The following WDR59 variants were observed in gnomAD, a reference collection of about 807,000 sequenced individuals.
WDR59 encodes WD repeat domain 59, also known as GATOR2 complex protein WDR59.
Under a neutral mutation model 131.2 loss-of-function variants are expected in WDR59, and 100 were observed. That is an observed-to-expected ratio of 0.76 (90% CI 0.65 to 0.90). The LOEUF is 0.90. WDR59 is among the 40% of genes least tolerant of loss of function. The pLI, the probability that WDR59 is intolerant of heterozygous loss-of-function variation, is 0.00. For missense variants in WDR59, 1,203 were observed against 1,262.2 expected (o/e 0.95, Z 0.71); for synonymous variants, 601 against 466.2 (o/e 1.29, Z -3.72).
chr16:74,931,677 C>T (rs1356082266), intron 8 of WDR59, among the ~76,000 whole-genome samples: 1 of 152,104 alleles, frequency 6.6e-6, no homozygotes, highest in Non-Finnish European at 1.5e-5. Context: ...GCTGAGTCTA[C>T]AGCCTGGTGA....
intron 1 of WDR59, among the ~76,000 whole-genome samples, chr16:74,968,346 C>G (rs1049563578): frequency 2.0e-5 from 3 of 152,168 alleles, no homozygotes; most frequent in African/African-American, 7.2e-5. Context: ...TGGCAAGGAC[C>G]TGAGACAGCA....
rs1216500000 is a variant in WDR59, at chr16:74,872,921, T to G, written c.*1288A>C. The G allele has an allele frequency of 2.0e-5, 3 of 151,742 alleles. No individual in the cohort carries two copies. Among genetic ancestry groups the G allele is most frequent in the Non-Finnish European group, 4.4e-5 (3 of 67,964 alleles). The allele number at this position is 151,742 out of a possible 1,614,324, so 9.4% of individuals were successfully genotyped here. A position where few individuals can be genotyped will look rare whatever the true frequency, so the allele number is the denominator to read the frequency against. ...GCTATTTTTTTAATTTTTTTTTTCT[T>G]TTTTTGAGACAGAGTCTCACTCTTG... On this transcript the variant is annotated 3_prime_UTR_variant, in exon 26 of 26. Transcript: ENST00000262144.
At chr16:74,958,262 G>A (rs1426416535) in intron 2 of WDR59, among the ~76,000 whole-genome samples, 1 of 151,894 alleles carries the variant, frequency 6.6e-6, no homozygotes, top group Non-Finnish European at 1.5e-5. Flanking sequence ...GACAGGAAAT[G>A]AAAAACAGGT....
At chr16:74,976,048 T>C (rs1296010345) in intron 1 of WDR59, among the ~76,000 whole-genome samples, 1 of 152,156 alleles carries the variant, frequency 6.6e-6, no homozygotes, top group African/African-American at 2.4e-5. Context: ...AGTATACATA[T>C]TAATAGTCAC....
Position 74,928,204 on chromosome 16 carries a change from GTTT to G in WDR59, c.652-4204_652-4202del, listed in dbSNP as rs71378719. Among the ~76,000 whole-genome samples, 300 of 114,776 alleles carry G rather than the reference GTTT, an allele frequency of 2.6e-3. 2 individuals carry two copies. Among genetic ancestry groups the G allele is most frequent in the African/African-American group, 5.9e-3 (173 of 29,520 alleles). The allele number at this position is 114,776 out of a possible 152,430, so 75.3% of individuals were successfully genotyped here. A position where few individuals can be genotyped will look rare whatever the true frequency, so the allele number is the denominator to read the frequency against. ...TACAGGTGTGAGCCACTGCATCCAG[GTTT>G]TTTTTTTTTTTTTTTTTGAGACAGA... On this transcript the variant is annotated intron_variant, in intron 8 of 25. Coordinates refer to ENST00000262144, the MANE Select transcript of WDR59 (RefSeq NM_030581.4).
intron 10 of WDR59, among the ~76,000 whole-genome samples, chr16:74,921,483 C>T (rs527996759): frequency 3.6e-4 from 54 of 152,078 alleles, no homozygotes; most frequent in Non-Finnish European, 6.6e-4. Context: ...GAGGAAATCA[C>T]ATCATCTGTT....
At chr16:74,877,107 AGG>A (rs1363003808) in intron 25 of WDR59, among the ~76,000 whole-genome samples, 1 of 152,114 alleles carries the variant, frequency 6.6e-6, no homozygotes, top group Non-Finnish European at 1.5e-5. Context: ...TAGTTCATCA[AGG>A]GAAATGTTCC....
intron 10 of WDR59, among the ~76,000 whole-genome samples, chr16:74,921,496 C>A (rs1019000570): frequency 6.8e-6 from 1 of 147,134 alleles, no homozygotes; most frequent in Admixed American, 6.8e-5. Context: ...CATCTGTTTT[C>A]TTTTTTTTTT....
chr16:74,935,260 T>C (rs1304208197), intron 8 of WDR59, among the ~76,000 whole-genome samples: 1 of 152,100 alleles, frequency 6.6e-6, no homozygotes, highest in Non-Finnish European at 1.5e-5. Flanking sequence ...AGTGACTATG[T>C]CTGGATTTCC....
intron 9 of WDR59, among the ~76,000 whole-genome samples, chr16:74,923,321 T>C (rs1379393202): frequency 1.3e-5 from 2 of 152,010 alleles, no homozygotes; most frequent in Non-Finnish European, 1.5e-5. Flanking sequence ...TCCACCACAA[T>C]TCACAGACCT....
rs575747572 is a variant in WDR59, at chr16:74,873,977, C to T, written c.*232G>A. ...CAGCCGACATAGACAACACACAAAGCGCAGCTCTGCACTTCTGTCCTTATC... is the reference window on the plus strand; with the variant it reads ...CAGCCGACATAGACAACACACAAAGTGCAGCTCTGCACTTCTGTCCTTATC... On this transcript the variant is annotated 3_prime_UTR_variant, in exon 26 of 26. Transcript: ENST00000262144. 8 of 541,170 alleles carry T rather than the reference C, an allele frequency of 1.5e-5. No individual in the cohort carries two copies. Among genetic ancestry groups the T allele is most frequent in the East Asian group, 6.2e-5 (2 of 32,172 alleles). The allele number at this position is 541,170 out of a possible 1,614,324, so 33.5% of individuals were successfully genotyped here. A position where few individuals can be genotyped will look rare whatever the true frequency, so the allele number is the denominator to read the frequency against.
At chr16:74,921,365 T>C (rs544582848) in intron 10 of WDR59, among the ~76,000 whole-genome samples, 39 of 152,272 alleles carry the variant, frequency 2.6e-4, no homozygotes, top group Non-Finnish European at 4.7e-4. Context: ...GCAGTTCCAA[T>C]TTACACAACT....
At chr16:74,970,828 G>A (rs1260209314) in intron 1 of WDR59, among the ~76,000 whole-genome samples, 1 of 151,876 alleles carries the variant, frequency 6.6e-6, no homozygotes, top group South Asian at 2.1e-4. Context: ...AACGCAGGAG[G>A]ATTGCTTGGA....
At chr16:74,934,670 G>A (rs1238594805) in intron 8 of WDR59, among the ~76,000 whole-genome samples, 8 of 152,176 alleles carry the variant, frequency 5.3e-5, no homozygotes, top group Admixed American at 2.0e-4. Flanking sequence ...AATATCAGGG[G>A]CCAGGTGTGG....
At position 74,912,205 on chromosome 16, in the gene WDR59, A is replaced by T. The variant is rs1215543652; in HGVS notation, c.1382T>A (p.Leu461Gln). ...TTITSTMKAKLLKILKDTALQ... is the reference protein window; with the variant it reads ...TTITSTMKAKQLKILKDTALQ... ...GGGAACCCAGACCCCCACCTTCAGC[A>T]GCTTAGCTTTCATGGTGGATGTGAT... Residue 461 changes from leucine (L) to glutamine (Q), a missense_variant, in exon 14 of 26, where the codon CTG (leucine) becomes CAG (glutamine). Physicochemically the swap from Leu to Gln is moderately radical, Grantham distance 113. Coordinates refer to ENST00000262144, the MANE Select transcript of WDR59 (RefSeq NM_030581.4). 6.2e-7 allele frequency: 1 copy of T among 1,614,112 alleles called. No individual in the cohort carries two copies. The highest frequency in any genetic ancestry group is 8.5e-7 in the Non-Finnish European group (1 of 1,180,040).
At position 74,918,964 on chromosome 16, in the gene WDR59, G is replaced by C. The variant is rs192414785; in HGVS notation, c.887-956C>G. On this transcript the variant is annotated intron_variant, in intron 10 of 25. Coordinates refer to ENST00000262144, the MANE Select transcript of WDR59 (RefSeq NM_030581.4). ...CAGCAACTATTCTGAACCACGGCTT[G>C]TTACAAGTGCCACCATCTTGCCTCA... Among the ~76,000 whole-genome samples, 349 of 152,272 alleles carry C rather than the reference G, an allele frequency of 2.3e-3. 1 individual carries two copies. Among genetic ancestry groups the C allele is most frequent in the African/African-American group, 7.9e-3 (327 of 41,556 alleles).
intron 1 of WDR59, among the ~76,000 whole-genome samples, chr16:74,981,655 T>TAC (rs2034429369): frequency 6.0e-4 from 5 of 8,278 alleles, no homozygotes; most frequent in African/African-American, 1.1e-3. Context: ...TATATATATA[T>TAC]ATATATTTTT....
At chr16:74,883,694 T>A (rs890464715) in intron 25 of WDR59, among the ~76,000 whole-genome samples, 2 of 152,132 alleles carry the variant, frequency 1.3e-5, no homozygotes, top group East Asian at 3.9e-4. Flanking sequence ...TCTCTCTGCC[T>A]TGCTCTTCCT....
intron 1 of WDR59, among the ~76,000 whole-genome samples, chr16:74,981,660 A>ATTTTTTTTTTTTTTTTTTT (rs1181233727): frequency 8.7e-5 from 7 of 80,862 alleles, no homozygotes; most frequent in African/African-American, 4.4e-4. Context: ...ATATATATAT[A>ATTTTTTTTTTTTTTTTTTT]TTTTTTTTTT....
Sources: allele counts gnomAD v4.1 joint callset (sites outside exome capture counted in the v4.1 genomes callset), GRCh38; gene constraint gnomAD v4.1.1; transcripts MANE v1.5; gene names NCBI Gene and HGNC (gene_info 2026-07-23, HGNC 2026-07-21).